ANXA5: variants seen among roughly 807,000 people sequenced by gnomAD.
ANXA5 encodes annexin A5.
A neutral mutation model predicts 48.1 loss-of-function variants in ANXA5; 40 were observed. The observed-to-expected ratio is 0.83, with a 90% CI of 0.65 to 1.08. The LOEUF (loss-of-function observed/expected upper bound fraction) is 1.08. Among genes scored for constraint, ANXA5 ranks in the 50% least tolerant of loss-of-function variants. ANXA5 has a pLI of 0.00. For missense variants in ANXA5, 357 were observed against 376.8 expected (o/e 0.95, Z 0.44); for synonymous variants, 113 against 129.1 (o/e 0.88, Z 0.85).
intron 4 of ANXA5, 110 bp downstream of exon 4, chr4:121,684,567 C>T (rs1314204593): frequency 1.2e-5 from 11 of 907,104 alleles, no homozygotes; most frequent in South Asian, 3.3e-5. Flanking sequence ...GTAGGGAAGT[C>T]GGAATCACAA....
intron 2 of ANXA5, among the ~76,000 whole-genome samples, chr4:121,694,268 A>AT (rs1725040338): frequency 8.7e-6 from 1 of 115,566 alleles, no homozygotes; most frequent in African/African-American, 4.0e-5. Flanking sequence ...TATATAATAA[A>AT]AAATAAATAA....
intron 2 of ANXA5, among the ~76,000 whole-genome samples, chr4:121,688,489 A>T (rs1724929524): frequency 6.6e-6 from 1 of 152,048 alleles, no homozygotes; most frequent in African/African-American, 2.4e-5. Context: ...TCAGAGTTGA[A>T]CCTAATCTCT....
intron 2 of ANXA5, among the ~76,000 whole-genome samples, chr4:121,695,108 T>C (rs1725056103): frequency 6.6e-6 from 1 of 152,234 alleles, no homozygotes; most frequent in Admixed American, 6.5e-5. Flanking sequence ...TATTATTCGA[T>C]GCTTGTTAAA....
chr4:121,677,488 T>A (rs1398688151), intron 8 of ANXA5, among the ~76,000 whole-genome samples: 2 of 152,204 alleles, frequency 1.3e-5, no homozygotes, highest in African/African-American at 4.8e-5. Context: ...AAATAACTTG[T>A]CATCTCTTAT....
chr4:121,669,379 A>G (rs922544689), intron 12 of ANXA5: 1 of 520,232 alleles, frequency 1.9e-6, no homozygotes, highest in Non-Finnish European at 3.4e-6. Context: ...AATGCTTCTG[A>G]GTTCACCAAG....
intron 2 of ANXA5, among the ~76,000 whole-genome samples, chr4:121,688,366 A>G (rs1056413152): frequency 2.0e-5 from 3 of 152,094 alleles, no homozygotes; most frequent in Non-Finnish European, 4.4e-5. Context: ...CAAGAATCCT[A>G]TTAAGTCAGT....
rs769350765 is a variant in ANXA5, at chr4:121,669,626, G to A, written c.879C>T (p.Ala293=). ...NIRKEFRKNF[A]TSLYSMIKGD... ...CCTTAATCATGGAATAAAGAGAGGTGGCAAAATTCTTCCTAAACTCCTTCC... is the reference window on the plus strand; with the variant it reads ...CCTTAATCATGGAATAAAGAGAGGTAGCAAAATTCTTCCTAAACTCCTTCC... Residue 293 remains alanine (A), a synonymous_variant, in exon 12 of 13, where the codon GCC becomes GCT. Transcript: ENST00000296511. The A allele has an allele frequency of 3.9e-5, 63 of 1,613,136 alleles. No individual in the cohort carries two copies. The highest frequency in any genetic ancestry group is 5.1e-5 in the Non-Finnish European group (60 of 1,179,674).
chr4:121,678,403 T>C lies in ANXA5; in HGVS notation c.474+12A>G, dbSNP rs760027157. ...CTTTTTAATCAAACTGTAATTAATCTCCACGCAATACCTGAAGGAGAACCA... is the reference window on the plus strand; with the variant it reads ...CTTTTTAATCAAACTGTAATTAATCCCCACGCAATACCTGAAGGAGAACCA... On this transcript the variant is annotated intron_variant, in intron 7 of 12. Transcript: ENST00000296511. 12 of 1,609,662 alleles carry C rather than the reference T, an allele frequency of 7.5e-6. No homozygotes were observed. In the South Asian group the frequency reaches 1.3e-4, roughly 18 times the overall value.
chr4:121,689,007 TA>T (rs1319490265), intron 2 of ANXA5, among the ~76,000 whole-genome samples: 1 of 152,078 alleles, frequency 6.6e-6, no homozygotes, highest in Non-Finnish European at 1.5e-5. Context: ...CACAGATACA[TA>T]AAGACCAATA....
chr4:121,670,814 T>C (rs1364101313), intron 10 of ANXA5, among the ~76,000 whole-genome samples: 1 of 152,174 alleles, frequency 6.6e-6, no homozygotes, highest in Admixed American at 6.5e-5. Flanking sequence ...TGTACTCAAG[T>C]GAAAGGCTAC....
chr4:121,675,981 T>C (rs1211912075), intron 8 of ANXA5, among the ~76,000 whole-genome samples: 2 of 152,202 alleles, frequency 1.3e-5, no homozygotes, highest in African/African-American at 4.8e-5. Context: ...TGCTGGGAAA[T>C]CTGCCCTCTG....
rs1253712681 is a variant in ANXA5, at chr4:121,677,964, T to A, written c.475-14A>T. 6.2e-7 allele frequency: 1 copy of A among 1,609,678 alleles called. No homozygotes were observed. The highest frequency in any genetic ancestry group is 1.3e-5 in the African/African-American group (1 of 74,824). ...GTCTCTGTTAGCCTATGAGAGGTAA[T>A]ATGTCACATTACTGAACTATAGAGC... On this transcript the variant is annotated splice_polypyrimidine_tract_variant and intron_variant, in intron 7 of 12. Coordinates refer to ENST00000296511, the MANE Select transcript of ANXA5 (RefSeq NM_001154.4).
intron 8 of ANXA5, among the ~76,000 whole-genome samples, chr4:121,672,897 T>C (rs1448594392): frequency 1.3e-5 from 2 of 152,206 alleles, no homozygotes; most frequent in African/African-American, 4.8e-5. Flanking sequence ...CCAAAATGTC[T>C]GCCATAACCT....
At chr4:121,668,840 T>C (rs1256593368) in intron 12 of ANXA5, among the ~76,000 whole-genome samples, 3 of 151,976 alleles carry the variant, frequency 2.0e-5, no homozygotes, top group Non-Finnish European at 2.9e-5. Flanking sequence ...TGCAGGGCTG[T>C]CATGGCTCTC....
At chr4:121,682,312 C>T in intron 5 of ANXA5, among the ~76,000 whole-genome samples, 1 of 152,084 alleles carries the variant, frequency 6.6e-6, no homozygotes, top group East Asian at 1.9e-4. Context: ...GGAATTGGGA[C>T]TTGCTTTCTG....
In ANXA5 at chr4:121,669,700, G is replaced by C. The variant is rs140823151; in HGVS notation, c.805C>G (p.Leu269Val). Reference protein sequence around the residue: ...MKGAGTDDHTLIRVMVSRSEI... With the variant: ...MKGAGTDDHTVIRVMVSRSEI... Reference sequence around the variant, plus strand: ...CTCCTGGAAACCATGACTCTGATGAGGGTATGATCATCTGTCCCAGCTCCC... The same window carrying C: ...CTCCTGGAAACCATGACTCTGATGACGGTATGATCATCTGTCCCAGCTCCC... The change falls in exon 12 of 13, where the codon CTC becomes GTC. Residue 269 changes from leucine (L) to valine (V), a missense_variant. Leu to Val is a conservative substitution (Grantham distance 32). Transcript: ENST00000296511. 8 of 1,611,780 alleles carry C rather than the reference G, an allele frequency of 5.0e-6. No individual in the cohort carries two copies. The highest frequency in any genetic ancestry group is 5.1e-6 in the Non-Finnish European group (6 of 1,179,382).
chr4:121,671,927 C>T (rs1408237925), intron 9 of ANXA5, among the ~76,000 whole-genome samples: 1 of 152,172 alleles, frequency 6.6e-6, no homozygotes, highest in African/African-American at 2.4e-5. Flanking sequence ...AAAAGTGATA[C>T]ACAGATAGGA....
chr4:121,687,111 TC>T (rs905564515), intron 2 of ANXA5, among the ~76,000 whole-genome samples: 8 of 151,894 alleles, frequency 5.3e-5, no homozygotes, highest in African/African-American at 1.9e-4. Flanking sequence ...TCCGAGACCA[TC>T]CTGGCTAACA....
chr4:121,695,760 G>A (rs1196074629), intron 2 of ANXA5, among the ~76,000 whole-genome samples: 1 of 152,002 alleles, frequency 6.6e-6, no homozygotes, highest in Non-Finnish European at 1.5e-5. Flanking sequence ...AAATTAGCTG[G>A]GCATGGTGGG....
Sources: allele counts gnomAD v4.1 joint callset (sites outside exome capture counted in the v4.1 genomes callset), GRCh38; gene constraint gnomAD v4.1.1; transcripts MANE v1.5; gene names NCBI Gene and HGNC (gene_info 2026-07-23, HGNC 2026-07-21).